The following DNM1 variants were observed in gnomAD, a reference collection of about 807,000 sequenced individuals.
The protein encoded by DNM1 is dynamin-1.
DNM1 carries 29 observed loss-of-function variants against 104.6 expected under a neutral mutation model. The ratio of observed to expected loss-of-function variants is 0.28; its 90% CI spans 0.21 to 0.38. DNM1 has a LOEUF of 0.38. Among genes scored for constraint, DNM1 ranks in the 10% least tolerant of loss-of-function variants. The pLI, the probability that DNM1 is intolerant of heterozygous loss-of-function variation, is 1.00. For synonymous variants in DNM1, 445 were observed against 475.8 expected (o/e 0.94, Z 0.84); for missense variants, 640 against 1,189.4 (o/e 0.54, Z 6.79).
At chr9:128,238,994 C>T (rs1268140657) in intron 11 of DNM1, among the ~76,000 whole-genome samples, 1 of 151,202 alleles carries the variant, frequency 6.6e-6, no homozygotes, top group Admixed American at 6.6e-5. Context: ...CTCTCCTCTC[C>T]TCTCCTCTCC....
At chr9:128,216,086 G>A (rs911389579) in intron 1 of DNM1, among the ~76,000 whole-genome samples, 1 of 148,168 alleles carries the variant, frequency 6.7e-6, no homozygotes, top group Non-Finnish European at 1.5e-5. Context: ...CACATACCAC[G>A]CTGCATTGCA....
In DNM1 at chr9:128,247,325, G is replaced by T; in HGVS notation, c.1782-50G>T. The T allele has an allele frequency of 7.3e-7, 1 of 1,360,774 alleles. No individual in the cohort carries two copies. The highest frequency in any genetic ancestry group is 1.0e-6 in the Non-Finnish European group (1 of 965,946). The allele number at this position is 1,360,774 out of a possible 1,614,324, so 84.3% of individuals were successfully genotyped here. On this transcript the variant is annotated intron_variant, in intron 16 of 21. Coordinates refer to ENST00000372923, the MANE Select transcript of DNM1 (RefSeq NM_004408.4). This position sits in a 1 kb window ranked among gnomAD's most constrained non-coding sequence, Gnocchi z 5.1. ...GTCTGGGCATGCCCTTAACCCCCAG[G>T]GAGGGTCAGACTTTGCCCATCTGCC...
rs750205838 is a variant in DNM1, at chr9:128,222,445, A to G, written c.993-16A>G. On this transcript the variant is annotated splice_polypyrimidine_tract_variant and intron_variant, in intron 7 of 21. Transcript: ENST00000372923. This position sits in a 1 kb window ranked among gnomAD's most constrained non-coding sequence, Gnocchi z 7.8. ...GGCTGCTCCTGCCCCCTCAGGCCACACCACTCTCCCACCAGGATGGTCCAG... is the reference window on the plus strand; with the variant it reads ...GGCTGCTCCTGCCCCCTCAGGCCACGCCACTCTCCCACCAGGATGGTCCAG... 1 of 1,613,888 alleles carries G rather than the reference A, an allele frequency of 6.2e-7. No homozygotes were observed. Among genetic ancestry groups the G allele is most frequent in the South Asian group, 1.1e-5 (1 of 91,072 alleles).
rs10987933 is a variant in DNM1, at chr9:128,211,077, C to G, written c.162-7154C>G. 2.8e-3 allele frequency among the ~76,000 whole-genome samples: 423 copies of G among 152,388 alleles called. 10 individuals carry two copies. In the East Asian group the frequency reaches 0.058, roughly 21 times the overall value. On this transcript the variant is annotated intron_variant, in intron 1 of 21. Transcript: ENST00000372923. ...GGCCCCAAGATCAACTGCCTGCCGGCTCCCCCATCCTCCCCATCTGACTTG... is the reference window on the plus strand; with the variant it reads ...GGCCCCAAGATCAACTGCCTGCCGGGTCCCCCATCCTCCCCATCTGACTTG...
rs750044365 is a variant in DNM1, at chr9:128,218,557, C to T, written c.236-25C>T. 1.3e-6 allele frequency: 2 copies of T among 1,598,360 alleles called. No homozygotes were observed. The highest frequency in any genetic ancestry group is 1.3e-5 in the African/African-American group (1 of 74,572). ...GTTCCAGACCTTGATGCCTACTGCCCTTCCCCTGCCCGCTTCTGGAGCAGA... is the reference window on the plus strand; with the variant it reads ...GTTCCAGACCTTGATGCCTACTGCCTTTCCCCTGCCCGCTTCTGGAGCAGA... On this transcript the variant is annotated intron_variant, in intron 2 of 21. Coordinates refer to ENST00000372923, the MANE Select transcript of DNM1 (RefSeq NM_004408.4). This position sits in a 1 kb window ranked among gnomAD's most constrained non-coding sequence, Gnocchi z 4.8.
At chr9:128,211,658 G>C (rs1834310056) in intron 1 of DNM1, among the ~76,000 whole-genome samples, 1 of 151,850 alleles carries the variant, frequency 6.6e-6, no homozygotes, top group South Asian at 2.1e-4. Context: ...AGGATTCCAG[G>C]TGGCTGGCCC....
rs543401782 is a variant in DNM1 at position 128,253,932 on chromosome 9, C to T, written c.2535-722C>T. The T allele has an allele frequency of 1.7e-4, 215 of 1,232,954 alleles. No homozygotes were observed. The African/African-American group carries it at 3.0e-3, about 17-fold the overall frequency. The allele number at this position is 1,232,954 out of a possible 1,614,324, so 76.4% of individuals were successfully genotyped here. On this transcript the variant is annotated intron_variant, in intron 21 of 21. Coordinates refer to ENST00000372923, the MANE Select transcript of DNM1 (RefSeq NM_004408.4). The surrounding 1 kb of genome is among the most constrained non-coding windows in gnomAD (Gnocchi z 5.9). ...CCAAGGGGACGACCGTGCCTGCTGG[C>T]CCAGCTGAGCTCCGCCCAGTGAGCC...
At position 128,251,637 on chromosome 9, in the gene DNM1, C is replaced by CA. The variant is rs201838035; in HGVS notation, c.2534+697_2534+698insA. The CA allele has an allele frequency of 8.9e-4, 134 of 150,274 alleles. 3 individuals are homozygous for CA. In the South Asian group the frequency reaches 0.021, roughly 23 times the overall value. 9.3% of individuals were successfully genotyped at this position (150,274 alleles called of 1,614,324 possible). ...TGGCTTTTTTCCTCCCCCCAACCAC[C>CA]CCCTCCGCGACTTCTGGCCCTACCC... On this transcript the variant is annotated intron_variant, in intron 21 of 21. Transcript: ENST00000372923.
intron 10 of DNM1, among the ~76,000 whole-genome samples, chr9:128,226,588 A>G (rs1261020571): frequency 6.6e-6 from 1 of 152,138 alleles, no homozygotes; most frequent in African/African-American, 2.4e-5. Flanking sequence ...GCAGAGTGTG[A>G]TTCAGTTTTA....
chr9:128,244,269 T>C (rs1588439222), intron 15 of DNM1, among the ~76,000 whole-genome samples: 1 of 151,752 alleles, frequency 6.6e-6, no homozygotes, highest in East Asian at 1.9e-4. Context: ...TGCACTTGTG[T>C]GTGTCCGTGT....
At chr9:128,252,326 G>C in intron 21 of DNM1, 1 of 357,974 alleles carries the variant, frequency 2.8e-6, no homozygotes. Context: ...CCCAACTCCA[G>C]TCTTGCTAAC....
rs1836899173 is a variant in DNM1 at position 128,247,504 on chromosome 9, G to A, written c.1893+18G>A. 1.3e-6 allele frequency: 2 copies of A among 1,576,000 alleles called. No individual in the cohort carries two copies. Among genetic ancestry groups the A allele is most frequent in the Non-Finnish European group, 1.7e-6 (2 of 1,148,926 alleles). On this transcript the variant is annotated intron_variant, in intron 17 of 21. Transcript: ENST00000372923. The surrounding 1 kb of genome is among the most constrained non-coding windows in gnomAD (Gnocchi z 5.1). ...GTGTTGGGGTGAGTGGCAGGGCAAGGAGAGGAAGGGCAAGCATGATCCTAG... is the reference window on the plus strand; with the variant it reads ...GTGTTGGGGTGAGTGGCAGGGCAAGAAGAGGAAGGGCAAGCATGATCCTAG...
intron 10 of DNM1, among the ~76,000 whole-genome samples, chr9:128,231,390 G>A (rs1835685163): frequency 1.3e-5 from 2 of 151,754 alleles, no homozygotes; most frequent in Admixed American, 1.3e-4. Flanking sequence ...TAATAGAGAC[G>A]GGGTTTCTCC....
In DNM1 at chr9:128,222,186, C is replaced by G; in HGVS notation, c.850-11C>G. The G allele has an allele frequency of 6.2e-7, 1 of 1,609,238 alleles. No homozygotes were observed. Among genetic ancestry groups the G allele is most frequent in the Non-Finnish European group, 8.5e-7 (1 of 1,177,294 alleles). On this transcript the variant is annotated splice_polypyrimidine_tract_variant and intron_variant, in intron 6 of 21. Coordinates refer to ENST00000372923, the MANE Select transcript of DNM1 (RefSeq NM_004408.4). This position sits in a 1 kb window ranked among gnomAD's most constrained non-coding sequence, Gnocchi z 7.8. ...ATCTGTCCTCAACCCTTTCCTCACCCTTACCCCCAGCAACTGACGAACCAC... is the reference window on the plus strand; with the variant it reads ...ATCTGTCCTCAACCCTTTCCTCACCGTTACCCCCAGCAACTGACGAACCAC...
rs1188355048 is a variant in DNM1 at position 128,254,725 on chromosome 9, C to T, written c.*11C>T. 1 of 1,595,628 alleles carries T rather than the reference C, an allele frequency of 6.3e-7. No individual in the cohort carries two copies. Among genetic ancestry groups the T allele is most frequent in the South Asian group, 1.1e-5 (1 of 90,946 alleles). ...CCCTTCGACCTCTAAACAGATCCCTCCTCTTCTCGGAGACCTCCCTTTCCA... is the reference window on the plus strand; with the variant it reads ...CCCTTCGACCTCTAAACAGATCCCTTCTCTTCTCGGAGACCTCCCTTTCCA... On this transcript the variant is annotated 3_prime_UTR_variant, in exon 22 of 22. Coordinates refer to ENST00000372923, the MANE Select transcript of DNM1 (RefSeq NM_004408.4). This position sits in a 1 kb window ranked among gnomAD's most constrained non-coding sequence, Gnocchi z 6.1.
chr9:128,239,931 C>T, intron 13 of DNM1, 54 bp from the exon 14 acceptor site: 2 of 1,611,128 alleles, frequency 1.2e-6, no homozygotes, highest in South Asian at 2.2e-5. Flanking sequence ...CTCAGTAACC[C>T]TCTCTCCTCT....
intron 6 of DNM1, among the ~76,000 whole-genome samples, chr9:128,221,452 A>T (rs1309013763): frequency 6.6e-6 from 1 of 152,164 alleles, no homozygotes; most frequent in Non-Finnish European, 1.5e-5. Context: ...CCTGTTTCAT[A>T]GGATTGTTGT....
At position 128,222,912 on chromosome 9, in the gene DNM1, G is replaced by A. The variant is rs746270399; in HGVS notation, c.1196+52G>A. 9 of 1,567,462 alleles carry A rather than the reference G, an allele frequency of 5.7e-6. No individual in the cohort carries two copies. Among genetic ancestry groups the A allele is most frequent in the Non-Finnish European group, 7.9e-6 (9 of 1,139,424 alleles). ...CTGAACCCCAGAAGTAGGGGGTCTG[G>A]GACAGAGGCACAGGGAGTGATGAAG... is the stretch of plus-strand genomic sequence containing the variant. On this transcript the variant is annotated intron_variant, in intron 9 of 21. Coordinates refer to ENST00000372923, the MANE Select transcript of DNM1 (RefSeq NM_004408.4). The surrounding 1 kb of genome is among the most constrained non-coding windows in gnomAD (Gnocchi z 7.8).
Position 128,247,517 on chromosome 9 carries a change from A to G in DNM1, c.1893+31A>G. On this transcript the variant is annotated intron_variant, in intron 17 of 21. Transcript: ENST00000372923. The surrounding 1 kb of genome is among the most constrained non-coding windows in gnomAD (Gnocchi z 5.1). ...TGGCAGGGCAAGGAGAGGAAGGGCA[A>G]GCATGATCCTAGGGCCCCTGGGGCA... The G allele has an allele frequency of 6.5e-7, 1 of 1,536,868 alleles. No homozygotes were observed. The highest frequency in any genetic ancestry group is 9.0e-7 in the Non-Finnish European group (1 of 1,115,788).
Sources: allele counts gnomAD v4.1 joint callset (sites outside exome capture counted in the v4.1 genomes callset), GRCh38; gene constraint gnomAD v4.1.1; non-coding constraint Gnocchi (gnomAD v3.1); transcripts MANE v1.5; gene names NCBI Gene and HGNC (gene_info 2026-07-23, HGNC 2026-07-21).